FOXP2: variants seen among roughly 807,000 people sequenced by gnomAD.
FOXP2 encodes forkhead box P2, also known as forkhead box protein P2.
In FOXP2, 12 loss-of-function variants were observed where a neutral mutation model predicts 115.8. The ratio of observed to expected loss-of-function variants is 0.10; its 90% CI spans 0.07 to 0.17. The LOEUF is 0.17. Ranked by LOEUF, FOXP2 falls within the 10% of genes least tolerant of loss-of-function variation. FOXP2 has a pLI of 1.00. For synonymous variants in FOXP2, 328 were observed against 297.7 expected, an observed-to-expected ratio of 1.10 and a Z score of -1.05; for missense variants, 629 against 843.5, an observed-to-expected ratio of 0.75 and a Z score of 3.15.
At chr7:114,324,157 C>T (rs1161475120) in intron 2 of FOXP2, among the ~76,000 whole-genome samples, 1 of 151,778 alleles carries the variant, frequency 6.6e-6, no homozygotes, top group East Asian at 1.9e-4. Flanking sequence ...TCCTATTCTC[C>T]CAGTACAATG....
chr7:114,201,958 A>G (rs1329020653), intron 1 of FOXP2, among the ~76,000 whole-genome samples: 1 of 152,192 alleles, frequency 6.6e-6, no homozygotes, highest in Non-Finnish European at 1.5e-5. Flanking sequence ...TGTAAGAAAC[A>G]AGATATCTTC....
intron 3 of FOXP2, among the ~76,000 whole-genome samples, chr7:114,569,825 T>G (rs769893165): frequency 6.6e-6 from 1 of 151,960 alleles, no homozygotes; most frequent in Non-Finnish European, 1.5e-5. Context: ...ACCTCTGAAC[T>G]TCATAGATGT....
chr7:114,677,312 T>A (rs1365183615), intron 16 of FOXP2, among the ~76,000 whole-genome samples: 1 of 152,234 alleles, frequency 6.6e-6, no homozygotes, highest in Non-Finnish European at 1.5e-5. Context: ...GATGACAGTA[T>A]ATAAATATTC....
chr7:114,445,100 G>C (rs544674220), intron 2 of FOXP2, among the ~76,000 whole-genome samples: 62 of 151,530 alleles, frequency 4.1e-4, no homozygotes, highest in African/African-American at 1.4e-3. Flanking sequence ...GCTCAAAACT[G>C]TAAGAATTGC....
At chr7:114,613,343 T>C (rs1256246104) in intron 3 of FOXP2, among the ~76,000 whole-genome samples, 1 of 152,162 alleles carries the variant, frequency 6.6e-6, no homozygotes, top group African/African-American at 2.4e-5. Context: ...GTGATATGTA[T>C]ATTTTACACA....
At chr7:114,263,903 C>T (rs1795824879) in intron 1 of FOXP2, among the ~76,000 whole-genome samples, 1 of 151,900 alleles carries the variant, frequency 6.6e-6, no homozygotes, top group Admixed American at 6.6e-5. Context: ...CTAAAGTCAG[C>T]TCACAATTAT....
rs553911745 is a variant in FOXP2, at chr7:114,339,777, T to G, written c.-11+51668T>G. ...GTGTTAAAAGCATCCAATTTCCCCT[T>G]TTTTTGGAATCTGTTGCTCTTTTAA... On this transcript the variant is annotated intron_variant, in intron 2 of 17. Transcript: ENST00000634411. 2.6e-5 allele frequency among the ~76,000 whole-genome samples: 4 copies of G among 151,318 alleles called. No individual in the cohort carries two copies. The South Asian group carries it at 6.2e-4, about 24-fold the overall frequency.
chr7:114,555,253 C>A (rs1800399540), intron 3 of FOXP2, among the ~76,000 whole-genome samples: 2 of 152,112 alleles, frequency 1.3e-5, no homozygotes, highest in South Asian at 4.1e-4. Context: ...ATTACATTAT[C>A]TACAGTCAAG....
intron 1 of FOXP2, among the ~76,000 whole-genome samples, chr7:114,125,896 A>G (rs1791694101): frequency 6.6e-6 from 1 of 152,186 alleles, no homozygotes; most frequent in Admixed American, 6.6e-5. Context: ...TGTCATATCA[A>G]AAGACATTCA....
rs1411563685 is a variant in FOXP2 at position 114,323,221 on chromosome 7, C to A, written c.-11+35112C>A. ...CAATCCATTATCTATTTTAATTTTACAACAAATATTTTCAGAATGGGATAG... is the reference window on the plus strand; with the variant it reads ...CAATCCATTATCTATTTTAATTTTAAAACAAATATTTTCAGAATGGGATAG... On this transcript the variant is annotated intron_variant, in intron 2 of 17. Transcript: ENST00000634411. 2.6e-5 allele frequency among the ~76,000 whole-genome samples: 4 copies of A among 152,176 alleles called. No individual in the cohort carries two copies. The South Asian group carries it at 8.3e-4, about 32-fold the overall frequency.
At chr7:114,507,707 C>G (rs1797889549) in intron 2 of FOXP2, among the ~76,000 whole-genome samples, 1 of 151,798 alleles carries the variant, frequency 6.6e-6, no homozygotes, top group African/African-American at 2.4e-5. Context: ...AAGGGGAAGG[C>G]CACAGGGCTA....
intron 1 of FOXP2, among the ~76,000 whole-genome samples, chr7:114,097,175 G>A (rs1799671145): frequency 6.6e-6 from 1 of 152,002 alleles, no homozygotes; most frequent in Non-Finnish European, 1.5e-5. Flanking sequence ...CCACGTTTTA[G>A]TGTACAGTTC....
In FOXP2 at chr7:114,478,499, A is replaced by T. The variant is rs186222153; in HGVS notation, c.168+51820A>T. On this transcript the variant is annotated intron_variant, in intron 2 of 16. Transcript: ENST00000350908. ...TTGGTCTGGTTTATCTTCTTTTCTT[A>T]TACTTTTCCTGAGAAAGATGAGACT... is the stretch of plus-strand genomic sequence containing the variant. Among the ~76,000 whole-genome samples the T allele has an allele frequency of 2.2e-4, 34 of 151,986 alleles. No homozygotes were observed. In the East Asian group the frequency reaches 3.1e-3, roughly 14 times the overall value.
At chr7:114,657,864 A>T (rs993864899) in intron 10 of FOXP2, among the ~76,000 whole-genome samples, 1 of 152,156 alleles carries the variant, frequency 6.6e-6, no homozygotes, top group East Asian at 1.9e-4. Flanking sequence ...GTAGATTATT[A>T]GATAACCTCT....
At chr7:114,456,801 A>C (rs1423487563) in intron 2 of FOXP2, among the ~76,000 whole-genome samples, 1 of 152,312 alleles carries the variant, frequency 6.6e-6, no homozygotes, top group Middle Eastern at 3.4e-3. Flanking sequence ...ATGGATAAAG[A>C]AATTGTGGTA....
At chr7:114,093,765 A>G (rs1799588407) in intron 1 of FOXP2, among the ~76,000 whole-genome samples, 1 of 152,088 alleles carries the variant, frequency 6.6e-6, no homozygotes, top group African/African-American at 2.4e-5. Flanking sequence ...TTAAATATAG[A>G]TTTTAAAATC....
At chr7:114,458,139 A>G (rs1795400062) in intron 2 of FOXP2, among the ~76,000 whole-genome samples, 1 of 152,200 alleles carries the variant, frequency 6.6e-6, no homozygotes, top group Non-Finnish European at 1.5e-5. Flanking sequence ...AACTTAAACT[A>G]AAATATCTGA....
At position 114,328,300 on chromosome 7, in the gene FOXP2, G is replaced by A. The variant is rs193115384; in HGVS notation, c.-11+40191G>A. Among the ~76,000 whole-genome samples, 905 of 145,756 alleles carry A rather than the reference G, an allele frequency of 6.2e-3. 11 individuals are homozygous for A. The highest frequency in any genetic ancestry group is 0.022 in the African/African-American group (864 of 39,148). On this transcript the variant is annotated intron_variant, in intron 2 of 17. Coordinates refer to the FOXP2 transcript ENST00000634411. ...CGCCCAGGCTGGAGTCCAGTGGCGC[G>A]ATCTCGGCTCACTGCAAGCTCCGCC...
chr7:114,393,043 G>T (rs181209356), intron 2 of FOXP2, among the ~76,000 whole-genome samples: 1 of 152,232 alleles, frequency 6.6e-6, no homozygotes, highest in African/African-American at 2.4e-5. Context: ...AAAGCAGTAT[G>T]TGTTCAGTAT....
Sources: gnomAD v4.1 joint callset for allele counts (sites outside exome capture counted in the v4.1 genomes callset) on GRCh38, gnomAD v4.1.1 for gene constraint, MANE v1.5 for transcripts, NCBI Gene and HGNC (gene_info 2026-07-23, HGNC 2026-07-21) for gene names.